UNC13C: variants seen among roughly 807,000 people sequenced by gnomAD.
UNC13C encodes protein unc-13 homolog C.
UNC13C carries 174 observed loss-of-function variants against 245.4 expected under a neutral mutation model. That is an observed-to-expected ratio of 0.71 (90% confidence interval 0.63 to 0.80). UNC13C has a LOEUF of 0.80. UNC13C is among the 30% of genes least tolerant of loss of function. UNC13C has a pLI of 0.00. For missense variants in UNC13C, 2,829 were observed against 2,602.9 expected (o/e 1.09, Z -1.89); for synonymous variants, 992 against 895.1 (o/e 1.11, Z -1.93).
intron 2 of UNC13C, among the ~76,000 whole-genome samples, chr15:54,037,560 G>A (rs948251921): frequency 2.6e-5 from 4 of 151,456 alleles, no homozygotes; most frequent in African/African-American, 4.9e-5. Flanking sequence ...ACATCAAAAT[G>A]AATTTATATA....
chr15:53,993,017 G>C (rs748751364), intron 1 of UNC13C, among the ~76,000 whole-genome samples: 7 of 151,932 alleles, frequency 4.6e-5, no homozygotes, highest in Non-Finnish European at 8.8e-5. Flanking sequence ...AATACACCAC[G>C]GACTATCCAT....
the UNC13C span, among the ~76,000 whole-genome samples, chr15:53,882,948 T>C: frequency 6.6e-6 from 1 of 152,082 alleles, no homozygotes; most frequent in African/African-American, 2.4e-5. Context: ...TAATGGACAC[T>C]AGGCTTAATA....
At chr15:54,212,346 A>T (rs2034906307) in intron 4 of UNC13C, among the ~76,000 whole-genome samples, 1 of 152,072 alleles carries the variant, frequency 6.6e-6, no homozygotes, top group South Asian at 2.1e-4. Flanking sequence ...TATTTTCAGA[A>T]ACATGCCTGA....
chr15:53,922,170 T>C, the UNC13C span, among the ~76,000 whole-genome samples: 18 of 152,338 alleles, frequency 1.2e-4, no homozygotes, highest in Admixed American at 8.5e-4. Flanking sequence ...TTGCGAGCTG[T>C]GTTCAAACTG....
intron 4 of UNC13C, among the ~76,000 whole-genome samples, chr15:54,212,436 C>T (rs1447580828): frequency 6.6e-6 from 1 of 152,216 alleles, no homozygotes; most frequent in South Asian, 2.1e-4. Context: ...TCACTGGAAA[C>T]AGCTCCCACA....
intron 2 of UNC13C, among the ~76,000 whole-genome samples, chr15:54,115,946 C>T (rs933097646): frequency 3.4e-4 from 51 of 151,474 alleles, no homozygotes; most frequent in Non-Finnish European, 4.4e-5. Flanking sequence ...TCAAGGACCG[C>T]TTTCCAAAGA....
chr15:54,241,567 G>A (rs1258472065), intron 7 of UNC13C, among the ~76,000 whole-genome samples: 2 of 152,112 alleles, frequency 1.3e-5, no homozygotes, highest in African/African-American at 2.4e-5. Flanking sequence ...TTGACTACTT[G>A]TTTCTTCTCA....
intron 19 of UNC13C, among the ~76,000 whole-genome samples, chr15:54,431,716 T>C (rs985610694): frequency 6.6e-6 from 1 of 151,662 alleles, no homozygotes; most frequent in African/African-American, 2.4e-5. Context: ...AAATCATATG[T>C]GCAATAAGCA....
intron 15 of UNC13C, 128 bp downstream of exon 15, chr15:54,332,239 A>T: frequency 1.6e-6 from 1 of 643,962 alleles, no homozygotes; most frequent in Non-Finnish European, 2.6e-6. Context: ...TGTTACCCTT[A>T]GAAATAATCC....
chr15:53,928,752 G>A, the UNC13C span, among the ~76,000 whole-genome samples: 1 of 152,318 alleles, frequency 6.6e-6, no homozygotes, highest in Admixed American at 6.5e-5. Context: ...TGGAGGTACT[G>A]CTGCTTTCAC....
intron 17 of UNC13C, among the ~76,000 whole-genome samples, chr15:54,349,382 T>TA (rs2038930512): frequency 6.6e-6 from 1 of 151,580 alleles, no homozygotes; most frequent in Non-Finnish European, 1.5e-5. Context: ...GTAAATAAAG[T>TA]AAAAAATGAA....
At chr15:54,099,368 T>C (rs944583928) in intron 2 of UNC13C, among the ~76,000 whole-genome samples, 3 of 152,172 alleles carry the variant, frequency 2.0e-5, no homozygotes, top group Admixed American at 6.5e-5. Context: ...TTACTGAACT[T>C]TGCTTGGGAA....
At chr15:54,551,703 G>A (rs10468009) in intron 28 of UNC13C, among the ~76,000 whole-genome samples, 89,479 of 151,890 alleles carry the variant, frequency 0.59, 28,671 homozygotes, top group African/African-American at 0.85. Context: ...TAGTCTTTGT[G>A]TCTATTGATG....
intron 4 of UNC13C, among the ~76,000 whole-genome samples, chr15:54,187,592 C>T (rs982006985): frequency 6.6e-6 from 1 of 152,136 alleles, no homozygotes; most frequent in Non-Finnish European, 1.5e-5. Context: ...GCATAGCTAA[C>T]TCCTCTTCAC....
intron 19 of UNC13C, among the ~76,000 whole-genome samples, chr15:54,429,913 A>C (rs1287118662): frequency 1.3e-5 from 2 of 151,662 alleles, no homozygotes; most frequent in African/African-American, 4.8e-5. Flanking sequence ...CTGAATTTTA[A>C]TGGTATTTTA....
intron 28 of UNC13C, among the ~76,000 whole-genome samples, chr15:54,551,466 A>G (rs1461083707): frequency 6.6e-6 from 1 of 152,032 alleles, no homozygotes; most frequent in Non-Finnish European, 1.5e-5. Flanking sequence ...TCCAAATCCT[A>G]TGAACTCTGA....
chr15:53,965,739 C>T, the UNC13C span, among the ~76,000 whole-genome samples: 7 of 151,948 alleles, frequency 4.6e-5, no homozygotes, highest in African/African-American at 1.7e-4. Context: ...ACAACAGTCC[C>T]CAGAGTGTGA....
chr15:54,105,028 A>G (rs1223815615), intron 2 of UNC13C, among the ~76,000 whole-genome samples: 3 of 152,068 alleles, frequency 2.0e-5, no homozygotes, highest in African/African-American at 7.2e-5. Context: ...TGTCTGGAGG[A>G]AAAGCCCCAG....
chr15:54,585,543 G>A (rs1344859474), intron 30 of UNC13C, among the ~76,000 whole-genome samples: 1 of 152,140 alleles, frequency 6.6e-6, no homozygotes, highest in African/African-American at 2.4e-5. Flanking sequence ...TAATACAGAT[G>A]GGGACATGTA....
Sources: allele counts gnomAD v4.1 joint callset (sites outside exome capture counted in the v4.1 genomes callset), GRCh38; gene constraint gnomAD v4.1.1; transcripts MANE v1.5; gene names NCBI Gene and HGNC (gene_info 2026-07-23, HGNC 2026-07-21).